Variants in TMTC3 observed in about 807,000 individuals in gnomAD.
TMTC3 encodes protein O-mannosyl-transferase TMTC3.
A neutral mutation model predicts 92.2 loss-of-function variants in TMTC3; 52 were observed. The ratio of observed to expected loss-of-function variants is 0.56; its 90% CI spans 0.45 to 0.71. The LOEUF (loss-of-function observed/expected upper bound fraction) is 0.71, where lower values mean the gene tolerates loss of function less well. Among genes scored for constraint, TMTC3 ranks in the 30% least tolerant of loss-of-function variants. The pLI is 0.00. For synonymous variants in TMTC3, 339 were observed against 363.3 expected (o/e 0.93, Z 0.76); for missense variants, 896 against 1,057.1 (o/e 0.85, Z 2.11).
At chr12:88,165,013 T>C (rs955773739) in intron 6 of TMTC3, among the ~76,000 whole-genome samples, 57 of 152,154 alleles carry the variant, frequency 3.7e-4, no homozygotes, top group Non-Finnish European at 6.2e-4. Context: ...CTTAGTTTCA[T>C]TGGTTTTCTG....
rs1360766681 is a variant in TMTC3 at position 88,197,635 on chromosome 12, TGTATC to T, written c.*1987_*1991del. 1 of 151,958 alleles carries T rather than the reference TGTATC, an allele frequency of 6.6e-6. No homozygotes were observed. Among genetic ancestry groups the T allele is most frequent in the Non-Finnish European group, 1.5e-5 (1 of 67,878 alleles). The allele number at this position is 151,958 out of a possible 1,614,324, so 9.4% of individuals were successfully genotyped here. On this transcript the variant is annotated 3_prime_UTR_variant, in exon 14 of 14. Coordinates refer to ENST00000266712, the MANE Select transcript of TMTC3 (RefSeq NM_181783.4). ...ATTTATATAATTCAAATGATAAAAATGTATCAATGTTATCCAATGATTTTTATTAA... is the reference window on the plus strand; with the variant it reads ...ATTTATATAATTCAAATGATAAAAATAATGTTATCCAATGATTTTTATTAA...
intron 4 of TMTC3, among the ~76,000 whole-genome samples, chr12:88,155,591 T>A (rs2468231): frequency 0.76 from 115,719 of 152,158 alleles, 49,207 homozygotes; most frequent in East Asian, 0.96. Flanking sequence ...GCATTTCCCA[T>A]TATTGAATTT....
At position 88,176,253 on chromosome 12, in the gene TMTC3, C is replaced by A; in HGVS notation, c.1366C>A (p.Leu456Met). ...ACTTTGGAATAATGTGGGTCATGCT[C>A]TGGAAAATGAAAAGAACTTTGAGAG... ...AKLWNNVGHALENEKNFERAL... is the reference protein window; with the variant it reads ...AKLWNNVGHAMENEKNFERAL... Residue 456 changes from leucine (L) to methionine (M), a missense_variant, in exon 10 of 14, where the codon CTG becomes ATG. Coordinates refer to ENST00000266712, the MANE Select transcript of TMTC3 (RefSeq NM_181783.4). 1 of 1,612,204 alleles carries A rather than the reference C, an allele frequency of 6.2e-7. No individual in the cohort carries two copies. Among genetic ancestry groups the A allele is most frequent in the South Asian group, 1.1e-5 (1 of 90,828 alleles).
intron 8 of TMTC3, among the ~76,000 whole-genome samples, chr12:88,173,473 T>C (rs976328256): frequency 5.9e-5 from 9 of 152,080 alleles, no homozygotes; most frequent in Non-Finnish European, 1.3e-4. Flanking sequence ...AAGTGCCTCC[T>C]AGTAGCTAAA....
At chr12:88,176,600 G>A (rs1274089474) in intron 10 of TMTC3, among the ~76,000 whole-genome samples, 2 of 151,996 alleles carry the variant, frequency 1.3e-5, no homozygotes, top group African/African-American at 4.8e-5. Context: ...GCAAGATCCT[G>A]TCTTTACAAA....
intron 7 of TMTC3, among the ~76,000 whole-genome samples, chr12:88,166,928 G>C (rs2041149877): frequency 1.3e-5 from 2 of 150,968 alleles, no homozygotes; most frequent in South Asian, 2.1e-4. Flanking sequence ...TCATGAGCAA[G>C]GTGGTTTTTA....
At chr12:88,187,208 A>AT (rs1233084211) in intron 10 of TMTC3, among the ~76,000 whole-genome samples, 1 of 151,436 alleles carries the variant, frequency 6.6e-6, no homozygotes, top group African/African-American at 2.4e-5. Flanking sequence ...ACTACCCCAT[A>AT]TTTTTAATTG....
chr12:88,166,138 C>G (rs2041140374), intron 6 of TMTC3, among the ~76,000 whole-genome samples, 192 bp from the exon 7 acceptor site: 1 of 152,110 alleles, frequency 6.6e-6, no homozygotes, highest in African/African-American at 2.4e-5. Context: ...TATCACTTCT[C>G]TGAAGTAGAT....
intron 12 of TMTC3, among the ~76,000 whole-genome samples, chr12:88,191,141 T>C (rs1199695392): frequency 6.6e-6 from 1 of 152,196 alleles, no homozygotes; most frequent in Non-Finnish European, 1.5e-5. Context: ...AGGAAAAATG[T>C]GTTTTTAAAC....
chr12:88,175,624 A>T (rs1308476398), intron 9 of TMTC3, among the ~76,000 whole-genome samples: 4 of 152,098 alleles, frequency 2.6e-5, no homozygotes, highest in Non-Finnish European at 5.9e-5. Flanking sequence ...ATACCAGTGG[A>T]GCCCCATAAT....
At chr12:88,193,347 A>G (rs2041465285) in intron 13 of TMTC3, among the ~76,000 whole-genome samples, 1 of 152,068 alleles carries the variant, frequency 6.6e-6, no homozygotes. Flanking sequence ...TAGCAAAACT[A>G]AATTATTAAC....
intron 11 of TMTC3, 43 bp downstream of exon 11, chr12:88,188,989 G>A: frequency 9.7e-7 from 1 of 1,033,470 alleles, no homozygotes; most frequent in Non-Finnish European, 1.5e-6. Context: ...TCTATTAGAT[G>A]TCCATATTGA....
intron 11 of TMTC3, among the ~76,000 whole-genome samples, chr12:88,189,817 T>A (rs543671519): frequency 8.5e-5 from 13 of 152,242 alleles, no homozygotes; most frequent in Admixed American, 8.5e-4. Flanking sequence ...GTTTTTATAA[T>A]ACATAGTATA....
chr12:88,189,713 T>C (rs2041421704), intron 11 of TMTC3, among the ~76,000 whole-genome samples: 1 of 152,120 alleles, frequency 6.6e-6, no homozygotes, highest in Admixed American at 6.5e-5. Context: ...TATTTCTGGG[T>C]TGTGACCGTA....
chr12:88,195,528 G>C lies in TMTC3; in HGVS notation c.2624G>C (p.Gly875Ala). Residue 875 changes from glycine to alanine, a missense_variant, in exon 14 of 14, where the codon GGA becomes GCA. Coordinates refer to ENST00000266712, the MANE Select transcript of TMTC3 (RefSeq NM_181783.4). ...KSQSKSNKQLGKNGDEETPHK... is the reference protein window; with the variant it reads ...KSQSKSNKQLAKNGDEETPHK... ...CAGTCTAAATCCAACAAACAATTAG[G>C]AAAAAATGGAGACGAAGAGACACCC... is the stretch of plus-strand genomic sequence containing the variant. 1 of 1,612,654 alleles carries C rather than the reference G, an allele frequency of 6.2e-7. No individual in the cohort carries two copies. The highest frequency in any genetic ancestry group is 8.5e-7 in the Non-Finnish European group (1 of 1,179,476).
Position 88,153,460 on chromosome 12 carries a change from G to A in TMTC3, c.359G>A (p.Ser120Asn). The A allele has an allele frequency of 6.2e-7, 1 of 1,613,422 alleles. No homozygotes were observed. Among genetic ancestry groups the A allele is most frequent in the South Asian group, 1.1e-5 (1 of 91,062 alleles). ...VCKLFLDNKS[S>N]VIASLLFAVH... ...AAACTTTTTCTGGACAACAAGAGTAGTGTGATTGCTTCTTTACTTTTTGCA... is the reference window on the plus strand; with the variant it reads ...AAACTTTTTCTGGACAACAAGAGTAATGTGATTGCTTCTTTACTTTTTGCA... The change falls in exon 3 of 14, where the codon AGT becomes AAT. Residue 120 changes from serine (S) to asparagine (N), a missense_variant. Physicochemically the swap from Ser to Asn is conservative, Grantham distance 46 (BLOSUM62 1). Coordinates refer to ENST00000266712, the MANE Select transcript of TMTC3 (RefSeq NM_181783.4).
Position 88,182,035 on chromosome 12 carries a change from A to G in TMTC3, c.1432+5716A>G, listed in dbSNP as rs183752112. ...CTGAAGATCTAGAGATAGGGGCAAT[A>G]TTGCTTCGAGTTGCTTTTTACTCAA... On this transcript the variant is annotated intron_variant, in intron 10 of 13. Coordinates refer to ENST00000266712, the MANE Select transcript of TMTC3 (RefSeq NM_181783.4). Among the ~76,000 whole-genome samples, 15 of 152,340 alleles carry G rather than the reference A, an allele frequency of 9.8e-5. No individual in the cohort carries two copies. The East Asian group carries it at 2.9e-3, about 29-fold the overall frequency.
chr12:88,195,047 AC>A lies in TMTC3; in HGVS notation c.2144del (p.Thr715MetfsTer5). ...LFNLALLYSQ[T>X]AKELKALPIL... The stretch of plus-strand genomic sequence containing the variant: ...TAATCTGGCTCTCCTGTATTCCCAG[AC>A]TGCAAAGGAATTAAAGGCTTTGCCA... On this transcript the variant is annotated frameshift_variant, in exon 14 of 14. Transcript: ENST00000266712. LOFTEE classifies it high-confidence loss of function. 6.2e-7 allele frequency: 1 copy of A among 1,613,878 alleles called. No individual in the cohort carries two copies. Among genetic ancestry groups the A allele is most frequent in the Non-Finnish European group, 8.5e-7 (1 of 1,179,914 alleles).
At chr12:88,152,670 T>A (rs988180849) in intron 2 of TMTC3, among the ~76,000 whole-genome samples, 4 of 152,210 alleles carry the variant, frequency 2.6e-5, no homozygotes, top group African/African-American at 9.6e-5. Flanking sequence ...AAATTTTATT[T>A]ATTACCAAAG....
Sources: allele counts gnomAD v4.1 joint callset (sites outside exome capture counted in the v4.1 genomes callset), GRCh38; gene constraint gnomAD v4.1.1; transcripts MANE v1.5; gene names NCBI Gene and HGNC (gene_info 2026-07-23, HGNC 2026-07-21).